The following METAP1D variants were observed in gnomAD, a reference collection of about 807,000 sequenced individuals.
The protein encoded by METAP1D is methionyl aminopeptidase type 1D, mitochondrial, also known as methionine aminopeptidase 1D, mitochondrial.
Under a neutral mutation model 40.5 loss-of-function variants are expected in METAP1D, and 31 were observed. The observed-to-expected ratio is 0.77, with a 90% CI of 0.58 to 1.03. The LOEUF (loss-of-function observed/expected upper bound fraction) is 1.03, where lower values mean the gene tolerates loss of function less well. Ranked by LOEUF, METAP1D falls within the 50% of genes least tolerant of loss-of-function variation. The pLI is 0.00. For synonymous variants in METAP1D, 151 were observed against 146.4 expected (o/e 1.03, Z -0.22); for missense variants, 411 against 420.7 (o/e 0.98, Z 0.20).
intron 6 of METAP1D, among the ~76,000 whole-genome samples, chr2:172,075,630 T>C (rs1559022449): frequency 6.6e-6 from 1 of 152,238 alleles, no homozygotes; most frequent in Non-Finnish European, 1.5e-5. Context: ...TAAATAATCT[T>C]GTGCTCCCCA....
At chr2:172,041,409 A>C (rs1169780846) in intron 1 of METAP1D, among the ~76,000 whole-genome samples, 1 of 126,502 alleles carries the variant, frequency 7.9e-6, no homozygotes, top group South Asian at 2.7e-4. Context: ...CAGTGAGCCG[A>C]TATCGTGCCA....
rs1553493427 is a variant in METAP1D at position 172,041,726 on chromosome 2, T to TATATA, written c.41-19772_41-19771insATATA. Among the ~76,000 whole-genome samples, 10 of 37,570 alleles carry TATATA rather than the reference T, an allele frequency of 2.7e-4. 1 individual carries two copies. Among genetic ancestry groups the TATATA allele is most frequent in the Non-Finnish European group, 5.8e-4 (9 of 15,594 alleles). 24.6% of individuals were successfully genotyped at this position (37,570 alleles called of 152,430 possible). On this transcript the variant is annotated intron_variant, in intron 1 of 9. Transcript: ENST00000315796. The stretch of plus-strand genomic sequence containing the variant: ...TTTTAATTTCCTTACTCTAATTATT[T>TATATA]TATATATATATATATATATATATAT...
rs1690143101 is a variant in METAP1D at position 172,061,578 on chromosome 2, T to A, written c.121T>A (p.Phe41Ile). The A allele has an allele frequency of 6.2e-7, 1 of 1,613,804 alleles. No homozygotes were observed. ...AAGCAGTCAACAAAGAAGAAATTTC[T>A]TTTTTCGGAGACAAAGAGATATTTC... The part of the protein sequence containing the change: ...QSSSQQRRNF[F>I]FRRQRDISHS... The change falls in exon 2 of 10, where the codon TTT becomes ATT. Residue 41 changes from phenylalanine (F) to isoleucine (I), a missense_variant. Coordinates refer to ENST00000315796, the MANE Select transcript of METAP1D (RefSeq NM_199227.3).
At chr2:172,076,721 G>T (rs533771603) in intron 6 of METAP1D, among the ~76,000 whole-genome samples, 128 of 152,366 alleles carry the variant, frequency 8.4e-4, no homozygotes, top group South Asian at 1.9e-3. Context: ...GATGCTGGCT[G>T]AAAGCCTGTG....
Position 172,058,606 on chromosome 2 carries a change from C to T in METAP1D, c.41-2892C>T, listed in dbSNP as rs1480189998. On this transcript the variant is annotated intron_variant, in intron 1 of 9. Coordinates refer to ENST00000315796, the MANE Select transcript of METAP1D (RefSeq NM_199227.3). ...TGTTGCCCAAGCTGGTCTCAGACTC[C>T]TGGGTTTAAGCAATCCCACATCAGC... Among the ~76,000 whole-genome samples, 3 of 152,070 alleles carry T rather than the reference C, an allele frequency of 2.0e-5. No homozygotes were observed. The East Asian group carries it at 5.8e-4, about 29-fold the overall frequency.
intron 4 of METAP1D, among the ~76,000 whole-genome samples, 180 bp downstream of exon 4, chr2:172,065,932 T>G (rs1690266568): frequency 6.6e-6 from 1 of 152,226 alleles, no homozygotes; most frequent in African/African-American, 2.4e-5. Context: ...CCACCACCAT[T>G]TAATGTTTGT....
intron 1 of METAP1D, among the ~76,000 whole-genome samples, chr2:172,048,638 T>C (rs1689812047): frequency 6.6e-6 from 1 of 152,180 alleles, no homozygotes; most frequent in South Asian, 2.1e-4. Context: ...GTTTCCTTCT[T>C]TTTTACCCCC....
chr2:172,053,117 A>G (rs890019748), intron 1 of METAP1D, among the ~76,000 whole-genome samples: 6 of 152,268 alleles, frequency 3.9e-5, no homozygotes, highest in African/African-American at 1.4e-4. Context: ...TTTCTTTAGC[A>G]ACATTTGTAC....
At chr2:172,037,964 T>TACA (rs1473708295) in intron 1 of METAP1D, among the ~76,000 whole-genome samples, 6 of 152,312 alleles carry the variant, frequency 3.9e-5, no homozygotes, top group Non-Finnish European at 8.8e-5. Flanking sequence ...GTACAGCTAT[T>TACA]ACAGGAAGGG....
At chr2:172,006,753 A>T (rs893048910) in intron 1 of METAP1D, among the ~76,000 whole-genome samples, 1 of 152,232 alleles carries the variant, frequency 6.6e-6, no homozygotes, top group Non-Finnish European at 1.5e-5. Flanking sequence ...CGTAGCCATC[A>T]TCTAGTTACA....
intron 1 of METAP1D, among the ~76,000 whole-genome samples, chr2:172,060,674 A>G (rs1690119769): frequency 6.6e-6 from 1 of 152,184 alleles, no homozygotes; most frequent in African/African-American, 2.4e-5. Context: ...TCTTTTTAAT[A>G]GCTCCAGAAT....
chr2:172,013,407 G>A (rs371311067), intron 1 of METAP1D, among the ~76,000 whole-genome samples: 17 of 152,308 alleles, frequency 1.1e-4, no homozygotes, highest in Non-Finnish European at 1.2e-4. Flanking sequence ...AACTAGGACC[G>A]GGGGCAGGAG....
In METAP1D at chr2:172,081,836, T is replaced by G. The variant is rs927340672; in HGVS notation, c.*1430T>G. The stretch of plus-strand genomic sequence containing the variant: ...GACAGGTGGTGTCCTCGGCCAGGAC[T>G]AAGAGCCAGCTCATCTTTGTAACAT... On this transcript the variant is annotated 3_prime_UTR_variant, in exon 10 of 10. Coordinates refer to ENST00000315796, the MANE Select transcript of METAP1D (RefSeq NM_199227.3). 1 of 152,214 alleles carries G rather than the reference T, an allele frequency of 6.6e-6. No individual in the cohort carries two copies. The highest frequency in any genetic ancestry group is 1.5e-5 in the Non-Finnish European group (1 of 68,060). 9.4% of individuals were successfully genotyped at this position (152,214 alleles called of 1,614,324 possible). A position where few individuals can be genotyped will look rare whatever the true frequency, so the allele number is the denominator to read the frequency against.
rs1688417705 is a variant in METAP1D, at chr2:171,999,969, C to G, written c.-1C>G. ...CTCGCGGCCACGTGACCGACGCCAA[C>G]ATGGCGGCGCCCAGTGGCGTCCACC... On this transcript the variant is annotated 5_prime_UTR_variant, in exon 1 of 10. Coordinates refer to ENST00000315796, the MANE Select transcript of METAP1D (RefSeq NM_199227.3). 7.3e-7 allele frequency: 1 copy of G among 1,365,136 alleles called. No individual in the cohort carries two copies. The highest frequency in any genetic ancestry group is 9.5e-7 in the Non-Finnish European group (1 of 1,052,548). The allele number at this position is 1,365,136 out of a possible 1,614,324, so 84.6% of individuals were successfully genotyped here.
rs1162571561 is a variant in METAP1D at position 172,043,104 on chromosome 2, TATATATA to T, written c.41-18393_41-18387del. Among the ~76,000 whole-genome samples, 245 of 29,402 alleles carry T rather than the reference TATATATA, an allele frequency of 8.3e-3. 50 individuals carry two copies. The highest frequency in any genetic ancestry group is 0.019 in the South Asian group (16 of 838). 19.3% of individuals were successfully genotyped at this position (29,402 alleles called of 152,430 possible). A position where few individuals can be genotyped will look rare whatever the true frequency, so the allele number is the denominator to read the frequency against. ...GTACATATATTTACATACATATATA[TATATATA>T]TATATATTTTTTGGGATACAGGATC... On this transcript the variant is annotated intron_variant, in intron 1 of 9. Coordinates refer to ENST00000315796, the MANE Select transcript of METAP1D (RefSeq NM_199227.3).
chr2:172,063,707 C>G lies in METAP1D; in HGVS notation c.199-4C>G. 6.2e-7 allele frequency: 1 copy of G among 1,609,624 alleles called. No individual in the cohort carries two copies. Among genetic ancestry groups the G allele is most frequent in the Non-Finnish European group, 8.5e-7 (1 of 1,176,598 alleles). ...ATCTTCGTTTTCAATCCTTTTTCCT[C>G]AAGCACATAAAGAAGCCAGACTATG... On this transcript the variant is annotated splice_region_variant and splice_polypyrimidine_tract_variant and intron_variant, in intron 2 of 9. Coordinates refer to ENST00000315796, the MANE Select transcript of METAP1D (RefSeq NM_199227.3).
At position 172,080,316 on chromosome 2, in the gene METAP1D, G is replaced by A. The variant is rs963114408; in HGVS notation, c.930-12G>A. ...TGCGTGCGCGTTCTGACGGCTGGGT[G>A]CTGTGTTACAGGTCGGCGCAGTTCG... is the stretch of plus-strand genomic sequence containing the variant. On this transcript the variant is annotated splice_polypyrimidine_tract_variant and intron_variant, in intron 9 of 9. Coordinates refer to ENST00000315796, the MANE Select transcript of METAP1D (RefSeq NM_199227.3). 2.5e-6 allele frequency: 4 copies of A among 1,614,196 alleles called. No homozygotes were observed. The highest frequency in any genetic ancestry group is 1.6e-4 in the Middle Eastern group (1 of 6,062).
At chr2:172,027,838 T>C (rs1362312638) in intron 1 of METAP1D, among the ~76,000 whole-genome samples, 1 of 152,190 alleles carries the variant, frequency 6.6e-6, no homozygotes, top group Non-Finnish European at 1.5e-5. Context: ...CAAGTTCTTT[T>C]GGTAAGAAAG....
intron 6 of METAP1D, among the ~76,000 whole-genome samples, chr2:172,072,878 C>T (rs1690456518): frequency 6.6e-6 from 1 of 151,760 alleles, no homozygotes; most frequent in Non-Finnish European, 1.5e-5. Flanking sequence ...TTTTCATATT[C>T]TCTGACACCA....
Sources: allele counts gnomAD v4.1 joint callset (sites outside exome capture counted in the v4.1 genomes callset), GRCh38; gene constraint gnomAD v4.1.1; transcripts MANE v1.5; gene names NCBI Gene and HGNC (gene_info 2026-07-23, HGNC 2026-07-21).